Variants in STPG2 observed in about 807,000 individuals in gnomAD.
STPG2 encodes sperm tail PG-rich repeat containing 2, also known as sperm-tail PG-rich repeat-containing protein 2.
Under a neutral mutation model 54.2 loss-of-function variants are expected in STPG2, and 56 were observed. The observed-to-expected ratio is 1.03, with a 90% confidence interval of 0.83 to 1.29. The LOEUF is 1.29. STPG2 is among the 50% of genes most tolerant of loss of function. STPG2 has a pLI of 0.00. For missense variants in STPG2, 596 were observed against 544.9 expected, an observed-to-expected ratio of 1.09 and a Z score of -0.93; for synonymous variants, 200 against 181.8, an observed-to-expected ratio of 1.10 and a Z score of -0.81.
At chr4:97,936,180 T>C (rs933110178) in intron 8 of STPG2, among the ~76,000 whole-genome samples, 2 of 152,206 alleles carry the variant, frequency 1.3e-5, no homozygotes, top group Non-Finnish European at 2.9e-5. Context: ...GTCTGTTTCG[T>C]CAGAGACTAG....
intron 8 of STPG2, among the ~76,000 whole-genome samples, chr4:97,912,776 T>C (rs1441085651): frequency 5.3e-5 from 8 of 152,324 alleles, no homozygotes; most frequent in Non-Finnish European, 1.2e-4. Context: ...CTGCAGGATA[T>C]CATCTAGGAG....
intron 5 of STPG2, among the ~76,000 whole-genome samples, chr4:98,088,086 C>T (rs929924112): frequency 3.2e-4 from 49 of 152,080 alleles, no homozygotes; most frequent in African/African-American, 1.2e-3. Flanking sequence ...CATTCAAGGT[C>T]AAAGACTGGC....
At chr4:98,039,155 C>T (rs1013430816) in intron 5 of STPG2, among the ~76,000 whole-genome samples, 7 of 151,724 alleles carry the variant, frequency 4.6e-5, no homozygotes, top group African/African-American at 1.2e-4. Flanking sequence ...AAGACACAGG[C>T]AAAGACGGTT....
chr4:97,566,098 G>A (rs1732429862), intron 10 of STPG2, among the ~76,000 whole-genome samples: 1 of 152,168 alleles, frequency 6.6e-6, no homozygotes, highest in Non-Finnish European at 1.5e-5. Context: ...CCCAGTTCGA[G>A]CTTCCAGGCT....
chr4:97,711,213 A>T (rs1024971596), intron 10 of STPG2, among the ~76,000 whole-genome samples: 1 of 152,120 alleles, frequency 6.6e-6, no homozygotes, highest in Non-Finnish European at 1.5e-5. Flanking sequence ...TCAACTAAAG[A>T]TGTAATATGA....
chr4:97,938,470 G>T (rs2149226308), intron 8 of STPG2, among the ~76,000 whole-genome samples: 1 of 16,500 alleles, frequency 6.1e-5, no homozygotes, highest in Non-Finnish European at 1.7e-4. Context: ...AGAAGGCTTA[G>T]ACAGCAGGCA....
intron 10 of STPG2, among the ~76,000 whole-genome samples, chr4:97,600,881 T>C (rs1328774689): frequency 6.6e-6 from 1 of 152,042 alleles, no homozygotes; most frequent in Non-Finnish European, 1.5e-5. Flanking sequence ...AATCCTAGGA[T>C]TTGTCTACAC....
At chr4:97,861,460 A>T (rs1729535089) in intron 8 of STPG2, among the ~76,000 whole-genome samples, 2 of 152,118 alleles carry the variant, frequency 1.3e-5, no homozygotes, top group African/African-American at 4.8e-5. Flanking sequence ...CTAAAAATAG[A>T]GCTACCACAT....
rs148575853 is a variant in STPG2, at chr4:97,574,669, G to A, written c.1321-15552C>T. ...TTTATGGTTTGTTTCAGGGTGAAAG[G>A]GGCTGGTAGAATTCTGGTTTTCATG... is the stretch of plus-strand genomic sequence containing the variant. On this transcript the variant is annotated intron_variant, in intron 10 of 10. Coordinates refer to ENST00000295268, the MANE Select transcript of STPG2 (RefSeq NM_174952.3). Among the ~76,000 whole-genome samples the A allele has an allele frequency of 2.7e-3, 409 of 152,050 alleles. No individual in the cohort carries two copies. In the Middle Eastern group the frequency reaches 0.028, roughly 10 times the overall value.
chr4:98,111,215 T>C (rs998863200), intron 3 of STPG2, among the ~76,000 whole-genome samples: 13 of 152,008 alleles, frequency 8.6e-5, no homozygotes, highest in African/African-American at 2.4e-4. Flanking sequence ...AAGGACCTCA[T>C]TACATTTGAA....
chr4:97,976,331 C>G (rs1344202695), intron 6 of STPG2, among the ~76,000 whole-genome samples: 1 of 152,134 alleles, frequency 6.6e-6, no homozygotes, highest in Non-Finnish European at 1.5e-5. Flanking sequence ...TATGTCAAAT[C>G]TATCTCCCTT....
At chr4:97,924,393 G>T (rs775715235) in intron 8 of STPG2, among the ~76,000 whole-genome samples, 2 of 152,156 alleles carry the variant, frequency 1.3e-5, no homozygotes, top group Non-Finnish European at 2.9e-5. Flanking sequence ...TAGGACTTTT[G>T]TCTGCCCCTA....
chr4:97,973,975 T>G (rs1397032032), intron 6 of STPG2, among the ~76,000 whole-genome samples: 1 of 152,142 alleles, frequency 6.6e-6, no homozygotes, highest in Non-Finnish European at 1.5e-5. Context: ...CCCAGAATTG[T>G]AGATCCACTG....
At chr4:97,537,658 A>C (rs1731569614) in intron 4 of STPG2, among the ~76,000 whole-genome samples, 1 of 152,178 alleles carries the variant, frequency 6.6e-6, no homozygotes, top group Non-Finnish European at 1.5e-5. Context: ...AACCTCAGCA[A>C]ACTTAACTGT....
At chr4:97,631,840 G>A (rs1721292246) in intron 10 of STPG2, among the ~76,000 whole-genome samples, 1 of 152,064 alleles carries the variant, frequency 6.6e-6, no homozygotes, top group Non-Finnish European at 1.5e-5. Context: ...GCAAGGGTAT[G>A]TGCTGTGCAA....
chr4:98,134,980 G>T (rs893963052), intron 1 of STPG2, among the ~76,000 whole-genome samples: 4 of 151,654 alleles, frequency 2.6e-5, no homozygotes, highest in African/African-American at 9.7e-5. Flanking sequence ...CTAAACAAAG[G>T]TTTACAAATA....
At chr4:97,616,578 A>G (rs1312204760) in intron 10 of STPG2, among the ~76,000 whole-genome samples, 1 of 152,090 alleles carries the variant, frequency 6.6e-6, no homozygotes, top group South Asian at 2.1e-4. Flanking sequence ...ATCTTTTTCT[A>G]TTTGGCATTA....
intron 8 of STPG2, among the ~76,000 whole-genome samples, chr4:97,878,788 T>G (rs1426858896): frequency 1.3e-5 from 2 of 152,192 alleles, no homozygotes; most frequent in Non-Finnish European, 2.9e-5. Flanking sequence ...CCTTATTACT[T>G]ATGCAAATTT....
intron 5 of STPG2, among the ~76,000 whole-genome samples, chr4:98,077,081 A>G (rs1738189652): frequency 6.6e-6 from 1 of 152,066 alleles, no homozygotes; most frequent in Non-Finnish European, 1.5e-5. Context: ...TATTAATACT[A>G]AGATTTTGTT....
Sources: allele counts gnomAD v4.1 joint callset (sites outside exome capture counted in the v4.1 genomes callset), GRCh38; gene constraint gnomAD v4.1.1; transcripts MANE v1.5; gene names NCBI Gene and HGNC (gene_info 2026-07-23, HGNC 2026-07-21).